The following C14orf39 variants were observed in gnomAD, a reference collection of about 807,000 sequenced individuals.
The protein encoded by C14orf39 is chromosome 14 open reading frame 39, also known as protein SIX6OS1.
C14orf39 carries 66 observed loss-of-function variants against 85.6 expected under a neutral mutation model. That is an observed-to-expected ratio of 0.77 (90% CI 0.63 to 0.95). C14orf39 has a LOEUF of 0.95. Ranked by LOEUF, C14orf39 falls within the 40% of genes least tolerant of loss-of-function variation. The pLI is 0.00. For missense variants in C14orf39, 735 were observed against 663.9 expected (o/e 1.11, Z -1.18); for synonymous variants, 242 against 214.0 (o/e 1.13, Z -1.14).
chr14:60,456,890 A>C (rs1352078701), intron 15 of C14orf39, 27 bp downstream of exon 15: 17 of 1,507,504 alleles, frequency 1.1e-5, no homozygotes, highest in Non-Finnish European at 1.4e-5. Flanking sequence ...CAAATAATTT[A>C]ACAATAGTTA....
At chr14:60,490,191 A>G (rs1164097768), upstream of C14orf39, among the ~76,000 whole-genome samples, 1 of 152,176 alleles carries the variant, frequency 6.6e-6, no homozygotes, top group Non-Finnish European at 1.5e-5. Context: ...TAATGCAACC[A>G]CTATACAGGT....
intron 1 of C14orf39, chr14:60,509,217 C>A: frequency 1.6e-6 from 1 of 616,048 alleles, no homozygotes; most frequent in Non-Finnish European, 2.9e-6. Context: ...GCGGAGCCAG[C>A]ACCTCCTCCA....
rs1893198928 is a variant in C14orf39 at position 60,506,009 on chromosome 14, G to C, written c.-143-6579C>G. ...GGGGCACTTTGCCTAAATCCAGCAC[G>C]AAACAGTTAGCTACAAAACCAGCCC... On this transcript the variant is annotated intron_variant, in intron 1 of 5. Coordinates refer to the C14orf39 transcript ENST00000556799. Among the ~76,000 whole-genome samples the C allele has an allele frequency of 2.6e-5, 4 of 152,296 alleles. No homozygotes were observed. The South Asian group carries it at 8.3e-4, about 32-fold the overall frequency.
intron 14 of C14orf39, among the ~76,000 whole-genome samples, chr14:60,458,313 T>C (rs1468099080): frequency 7.9e-5 from 12 of 151,862 alleles, no homozygotes; most frequent in African/African-American, 2.4e-4. Flanking sequence ...CACCAATCTA[T>C]CCTGTATCAT....
chr14:60,474,180 T>C (rs1486541083), intron 5 of C14orf39, among the ~76,000 whole-genome samples: 1 of 152,138 alleles, frequency 6.6e-6, no homozygotes, highest in Non-Finnish European at 1.5e-5. Flanking sequence ...TGAATGGGAG[T>C]TCACTCGTGA....
intron 16 of C14orf39, among the ~76,000 whole-genome samples, chr14:60,450,139 AAGCAGAGGAAAAAGTAAAGGGCATTTT>A (rs1035673474): frequency 3.3e-5 from 5 of 152,194 alleles, no homozygotes; most frequent in Admixed American, 1.3e-4. Context: ...TGTTTAAGAA[AAGCAGAGGAAAAAGTAAAGGGCATTTT>A]ATCTTGCACA....
chr14:60,443,805 C>G (rs1890634283), intron 16 of C14orf39, among the ~76,000 whole-genome samples: 1 of 152,112 alleles, frequency 6.6e-6, no homozygotes, highest in South Asian at 2.1e-4. Context: ...GTAGGTGACC[C>G]TATGGGACAA....
At position 60,471,647 on chromosome 14, in the gene C14orf39, T is replaced by A; in HGVS notation, c.416A>T (p.Tyr139Phe). 6.2e-7 allele frequency: 1 copy of A among 1,610,876 alleles called. No individual in the cohort carries two copies. Among genetic ancestry groups the A allele is most frequent in the Non-Finnish European group, 8.5e-7 (1 of 1,177,968 alleles). ...TTCTTCATGTTCTCTTTTCTTCTCA[T>A]AATATTCACGTGAAAAGGGTGTTTC... is the stretch of plus-strand genomic sequence containing the variant. ...YSETPFSREY[Y>F]EKKREHEEIQ... The change falls in exon 6 of 18, where the codon TAT (tyrosine) becomes TTT (phenylalanine). Residue 139 changes from tyrosine (Y) to phenylalanine (F), a missense_variant. Coordinates refer to ENST00000321731, the MANE Select transcript of C14orf39 (RefSeq NM_174978.3).
Position 60,458,799 on chromosome 14 carries a change from T to C in C14orf39, c.1118-60A>G, listed in dbSNP as rs1891392841. On this transcript the variant is annotated intron_variant, in intron 13 of 17. Transcript: ENST00000321731. ...TGTAATTTTATTGTAAAATAAAACA[T>C]AGTCTCGCCATTTGAAATTGCTAAT... The C allele has an allele frequency of 4.3e-6, 6 of 1,388,696 alleles. No homozygotes were observed. The Admixed American group carries it at 9.6e-5, about 22-fold the overall frequency. The allele number at this position is 1,388,696 out of a possible 1,614,324, so 86.0% of individuals were successfully genotyped here.
upstream of C14orf39, among the ~76,000 whole-genome samples, chr14:60,488,002 T>G (rs1892930466): frequency 6.6e-6 from 1 of 152,190 alleles, no homozygotes; most frequent in South Asian, 2.1e-4. Flanking sequence ...ATTTAGATAT[T>G]AACCCAAATT....
In C14orf39 at chr14:60,471,174, C is replaced by T. The variant is rs111627175; in HGVS notation, c.554+243G>A. ...TATAACATTTTCATTGGTTTGGTTC[C>T]TAAGACACGCCACTTAAACCCAAAT... On this transcript the variant is annotated intron_variant, in intron 7 of 17. Transcript: ENST00000321731. 3.4e-3 allele frequency among the ~76,000 whole-genome samples: 524 copies of T among 151,996 alleles called. 3 individuals carry two copies. The highest frequency in any genetic ancestry group is 0.012 in the African/African-American group (489 of 41,496).
chr14:60,508,387 A>C (rs1487687301), intron 1 of C14orf39, among the ~76,000 whole-genome samples: 1 of 151,962 alleles, frequency 6.6e-6, no homozygotes, highest in Non-Finnish European at 1.5e-5. Flanking sequence ...GAGGGGGAGA[A>C]AGTATATTTC....
intron 2 of C14orf39, chr14:60,496,202 T>G: frequency 4.7e-6 from 2 of 425,206 alleles, no homozygotes; most frequent in South Asian, 3.5e-5. Context: ...ATTCACATGT[T>G]CATCTGAATT....
intron 8 of C14orf39, 54 bp downstream of exon 8, chr14:60,469,479 C>T: frequency 1.3e-6 from 1 of 752,838 alleles, no homozygotes; most frequent in Non-Finnish European, 1.9e-6. Context: ...AACTAACATA[C>T]CATTATACTT....
At chr14:60,465,856 ACACACACACACACACACACAC>A (rs1891758612) in intron 11 of C14orf39, 102 bp downstream of exon 11, 1 of 1,178 alleles carries the variant, frequency 8.5e-4, no homozygotes. Flanking sequence ...TTTATAACAC[ACACACACACACACACACACAC>A]ACACACACAC....
At chr14:60,449,330 C>T (rs1428495129) in intron 16 of C14orf39, among the ~76,000 whole-genome samples, 3 of 152,056 alleles carry the variant, frequency 2.0e-5, no homozygotes, top group Non-Finnish European at 4.4e-5. Flanking sequence ...ATATTGTTAA[C>T]ATTTTCTTAT....
Position 60,461,568 on chromosome 14 carries a change from T to C in C14orf39, c.998A>G (p.Asn333Ser), listed in dbSNP as rs765999925. Residue 333 changes from asparagine to serine, a missense_variant, in exon 12 of 18, where the codon AAC becomes AGC. Asn to Ser is a conservative substitution (Grantham distance 46). Transcript: ENST00000321731. ...CGTAATATGTGAACATTTTGAATGG[T>C]TATCCACAGCAGAGTCATTAAATAT... ...TQIFNDSAVD[N>S]HSKCSHITTI... 3.2e-6 allele frequency: 5 copies of C among 1,581,098 alleles called. No homozygotes were observed. The highest frequency in any genetic ancestry group is 3.8e-5 in the Admixed American group (2 of 53,318).
chr14:60,505,302 A>G (rs879450968), intron 1 of C14orf39, among the ~76,000 whole-genome samples: 3 of 152,228 alleles, frequency 2.0e-5, no homozygotes, highest in Non-Finnish European at 2.9e-5. Context: ...ATTCATTCCA[A>G]AATCTGAAGG....
chr14:60,440,256 A>G lies in C14orf39; in HGVS notation c.1561+1818T>C, dbSNP rs112103876. Among the ~76,000 whole-genome samples the G allele has an allele frequency of 8.7e-4, 133 of 152,296 alleles. 1 individual carries two copies. The Middle Eastern group carries it at 0.02, about 23-fold the overall frequency. ...ACAATTTCCTACTTTACTTTCACTT[A>G]CGTATCTAATAAATAGGCTTTTCAA... is the stretch of plus-strand genomic sequence containing the variant. On this transcript the variant is annotated intron_variant, in intron 17 of 17. Coordinates refer to ENST00000321731, the MANE Select transcript of C14orf39 (RefSeq NM_174978.3).
Sources: gnomAD v4.1 joint callset for allele counts (sites outside exome capture counted in the v4.1 genomes callset) on GRCh38, gnomAD v4.1.1 for gene constraint, MANE v1.5 for transcripts, NCBI Gene and HGNC (gene_info 2026-07-23, HGNC 2026-07-21) for gene names.